EIPR1: variants seen among roughly 807,000 people sequenced by gnomAD.
EIPR1 encodes EARP and GARP complex-interacting protein 1.
Under a neutral mutation model 48.1 loss-of-function variants are expected in EIPR1, and 25 were observed. The observed-to-expected ratio is 0.52, with a 90% CI of 0.38 to 0.73. EIPR1 has a LOEUF of 0.73. EIPR1 is among the 30% of genes least tolerant of loss of function. EIPR1 has a pLI of 0.00. For synonymous variants in EIPR1, 204 were observed against 201.9 expected (o/e 1.01, Z -0.09); for missense variants, 415 against 506.2 (o/e 0.82, Z 1.73).
At chr2:3,256,630 G>A (rs1277859122) in intron 4 of EIPR1, among the ~76,000 whole-genome samples, 3 of 152,190 alleles carry the variant, frequency 2.0e-5, no homozygotes, top group South Asian at 2.1e-4. Context: ...AATCACTATC[G>A]TTATTGTAAA....
intron 6 of EIPR1, among the ~76,000 whole-genome samples, chr2:3,195,020 C>G (rs1664760811): frequency 6.6e-6 from 1 of 152,254 alleles, no homozygotes; most frequent in Non-Finnish European, 1.5e-5. Flanking sequence ...CACACACATG[C>G]ACACATCTAT....
intron 3 of EIPR1, among the ~76,000 whole-genome samples, chr2:3,288,378 C>T (rs1668270061): frequency 6.6e-6 from 1 of 152,216 alleles, no homozygotes; most frequent in South Asian, 2.1e-4. Flanking sequence ...AAAGTGACCA[C>T]AGGGCGAACA....
At chr2:3,200,946 C>T (rs962797585) in intron 5 of EIPR1, among the ~76,000 whole-genome samples, 44 of 152,178 alleles carry the variant, frequency 2.9e-4, no homozygotes, top group Non-Finnish European at 5.3e-4. Context: ...GGCCTGGGCA[C>T]TCCGCATGGT....
chr2:3,325,464 G>C (rs1669665762), intron 3 of EIPR1, among the ~76,000 whole-genome samples: 1 of 152,224 alleles, frequency 6.6e-6, no homozygotes, highest in African/African-American at 2.4e-5. Flanking sequence ...GTGACAGGAA[G>C]CTGGGGCGGG....
intron 3 of EIPR1, among the ~76,000 whole-genome samples, chr2:3,287,738 G>A (rs1668244486): frequency 6.6e-6 from 1 of 151,950 alleles, no homozygotes; most frequent in South Asian, 2.1e-4. Flanking sequence ...CCACGCTCTA[G>A]AAAGCTCATT....
chr2:3,320,946 C>T (rs898501617), intron 3 of EIPR1, among the ~76,000 whole-genome samples: 3 of 152,158 alleles, frequency 2.0e-5, no homozygotes, highest in African/African-American at 7.2e-5. Context: ...CAAAAATAAG[C>T]TTAAAATAAA....
chr2:3,229,874 T>G (rs1666185030), intron 4 of EIPR1, among the ~76,000 whole-genome samples: 1 of 152,222 alleles, frequency 6.6e-6, no homozygotes, highest in African/African-American at 2.4e-5. Flanking sequence ...ACTTACATCA[T>G]TGTCCAGTTT....
At chr2:3,274,823 A>G (rs1257861819) in intron 3 of EIPR1, among the ~76,000 whole-genome samples, 1 of 152,202 alleles carries the variant, frequency 6.6e-6, no homozygotes, top group Admixed American at 6.5e-5. Flanking sequence ...AAAGCTTTTC[A>G]TATTGTTGGA....
chr2:3,214,282 A>G (rs1665554514), intron 4 of EIPR1, 34 bp from the exon 5 acceptor site: 6 of 1,588,522 alleles, frequency 3.8e-6, no homozygotes, highest in Non-Finnish European at 5.2e-6. Flanking sequence ...TGTTAACATA[A>G]ACATTTGAGA....
At chr2:3,275,945 A>G (rs902254474) in intron 3 of EIPR1, among the ~76,000 whole-genome samples, 5 of 152,248 alleles carry the variant, frequency 3.3e-5, no homozygotes, top group African/African-American at 7.2e-5. Context: ...ATGGCAGAAC[A>G]AAAAGAGAAC....
At chr2:3,288,207 C>A (rs1024573292) in intron 3 of EIPR1, among the ~76,000 whole-genome samples, 2 of 152,246 alleles carry the variant, frequency 1.3e-5, no homozygotes, top group African/African-American at 4.8e-5. Flanking sequence ...AGATGCTGCT[C>A]TGGAAGCAGG....
intron 4 of EIPR1, among the ~76,000 whole-genome samples, chr2:3,252,940 T>C (rs2602750): frequency 0.97 from 147,918 of 152,358 alleles, 71,951 homozygotes; most frequent in East Asian, 1. Flanking sequence ...ACTTTCTCCC[T>C]AGCCAGGGCT....
At chr2:3,348,367 T>C (rs998177777) in intron 2 of EIPR1, among the ~76,000 whole-genome samples, 7 of 152,128 alleles carry the variant, frequency 4.6e-5, no homozygotes, top group African/African-American at 1.7e-4. Flanking sequence ...ACTCATCTCT[T>C]ATCTACATGA....
chr2:3,192,438 T>G lies in EIPR1; in HGVS notation c.965A>C (p.Gln322Pro). Residue 322 changes from glutamine (Q) to proline (P), a missense_variant, in exon 8 of 9, where the codon CAG (glutamine) becomes CCG (proline). Coordinates refer to ENST00000382125, the MANE Select transcript of EIPR1 (RefSeq NM_003310.5). ...HLVDDDDISD[Q>P]EDHRSEEKSK... ...CTTCTCTTCAGAACGGTGGTCCTCC[T>G]GGTCACTGATGTCATCGTCGTCTAC... The G allele has an allele frequency of 6.2e-7, 1 of 1,612,098 alleles. No homozygotes were observed.
rs58292231 is a variant in EIPR1, at chr2:3,296,313, TAC to T, written c.260-38860_260-38859del. Among the ~76,000 whole-genome samples the T allele has an allele frequency of 3.5e-3, 368 of 104,024 alleles. 2 individuals carry two copies. Among genetic ancestry groups the T allele is most frequent in the Non-Finnish European group, 4.4e-3 (221 of 50,626 alleles). 68.2% of individuals were successfully genotyped at this position (104,024 alleles called of 152,430 possible). A position where few individuals can be genotyped will look rare whatever the true frequency, so the allele number is the denominator to read the frequency against. On this transcript the variant is annotated intron_variant, in intron 3 of 8. Transcript: ENST00000382125. The stretch of plus-strand genomic sequence containing the variant: ...CACCCTCCATCCAGCCCATCCTCTC[TAC>T]ACACACACACCCTCCATCCAGCCCG...
At chr2:3,303,112 C>T (rs1002115827) in intron 3 of EIPR1, among the ~76,000 whole-genome samples, 2 of 152,242 alleles carry the variant, frequency 1.3e-5, no homozygotes, top group Non-Finnish European at 2.9e-5. Flanking sequence ...CCTATGTAAC[C>T]ATCCCCAGCC....
intron 3 of EIPR1, among the ~76,000 whole-genome samples, chr2:3,279,929 G>A (rs7606442): frequency 0.57 from 87,087 of 152,156 alleles, 25,301 homozygotes; most frequent in East Asian, 0.75. Context: ...ACTAGTCACC[G>A]CAGCGCAGCC....
At chr2:3,236,121 G>A (rs539014197) in intron 4 of EIPR1, among the ~76,000 whole-genome samples, 9 of 152,220 alleles carry the variant, frequency 5.9e-5, no homozygotes, top group South Asian at 2.1e-4. Context: ...GTCACAGCCC[G>A]CAGCACAGAA....
In EIPR1 at chr2:3,237,558, G is replaced by A. The variant is rs114335678; in HGVS notation, c.416+19741C>T. On this transcript the variant is annotated intron_variant, in intron 4 of 8. Transcript: ENST00000382125. ...CGTCTGGGGTTCCACACTATCAGCC[G>A]TTTCAGGGGTCCGCTAGGGTCTTGG... Among the ~76,000 whole-genome samples the A allele has an allele frequency of 1.4e-3, 206 of 152,294 alleles. 1 individual carries two copies. The highest frequency in any genetic ancestry group is 4.2e-3 in the African/African-American group (176 of 41,558).
Sources: allele counts gnomAD v4.1 joint callset (sites outside exome capture counted in the v4.1 genomes callset), GRCh38; gene constraint gnomAD v4.1.1; transcripts MANE v1.5; gene names NCBI Gene and HGNC (gene_info 2026-07-23, HGNC 2026-07-21).